Variants in CRTAM observed in about 807,000 individuals in gnomAD.
The protein encoded by CRTAM is cytotoxic and regulatory T-cell molecule.
A neutral mutation model predicts 50.0 loss-of-function variants in CRTAM; 44 were observed. The observed-to-expected ratio is 0.88, with a 90% confidence interval of 0.69 to 1.13. CRTAM has a LOEUF of 1.13. CRTAM is among the 50% of genes most tolerant of loss of function. CRTAM has a pLI of 0.00. For missense variants in CRTAM, 448 were observed against 457.5 expected (o/e 0.98, Z 0.19); for synonymous variants, 159 against 169.3 (o/e 0.94, Z 0.47).
intron 1 of CRTAM, among the ~76,000 whole-genome samples, chr11:122,841,075 C>T (rs1861791792): frequency 6.6e-6 from 1 of 152,114 alleles, no homozygotes; most frequent in African/African-American, 2.4e-5. Flanking sequence ...GAAAAAGTCA[C>T]ATGTTAGATG....
chr11:122,866,572 C>T lies in CRTAM; in HGVS notation c.818-837C>T, dbSNP rs570410064. 1.9e-3 allele frequency among the ~76,000 whole-genome samples: 293 copies of T among 151,526 alleles called. 3 individuals carry two copies. The highest frequency in any genetic ancestry group is 6.7e-3 in the African/African-American group (276 of 41,354). ...GTGACTAGGACATTTAGCAAGACTA[C>T]AGCCCATAGAATCAGAATTCTAGGT... On this transcript the variant is annotated intron_variant, in intron 7 of 9. Transcript: ENST00000227348.
chr11:122,852,139 T>C (rs892469614), intron 3 of CRTAM, among the ~76,000 whole-genome samples: 2 of 152,190 alleles, frequency 1.3e-5, no homozygotes, highest in Admixed American at 1.3e-4. Context: ...CCAGGCACCA[T>C]GTGAGGTTCT....
chr11:122,850,260 A>C (rs1565288658), intron 2 of CRTAM, 46 bp downstream of exon 2: 2 of 1,534,668 alleles, frequency 1.3e-6, no homozygotes, highest in Admixed American at 3.8e-5. Flanking sequence ...CCTTAACCTG[A>C]GGGTTTTTCC....
chr11:122,839,221 C>T (rs1446456609), intron 1 of CRTAM, among the ~76,000 whole-genome samples: 5 of 152,162 alleles, frequency 3.3e-5, no homozygotes, highest in Non-Finnish European at 4.4e-5. Context: ...CGTAAGCCAC[C>T]GCGCCCGGCC....
intron 1 of CRTAM, among the ~76,000 whole-genome samples, chr11:122,844,309 A>G (rs1007530374): frequency 2.6e-5 from 4 of 152,244 alleles, no homozygotes; most frequent in Admixed American, 1.3e-4. Flanking sequence ...AATGGGAGAC[A>G]TTTATTCCTA....
At chr11:122,865,299 T>C (rs1862154928) in intron 7 of CRTAM, among the ~76,000 whole-genome samples, 1 of 152,192 alleles carries the variant, frequency 6.6e-6, no homozygotes, top group Admixed American at 6.5e-5. Context: ...CCTCCCAAAG[T>C]GCTGGGATTA....
Position 122,853,944 on chromosome 11 carries a change from A to G in CRTAM, c.348A>G (p.Ala116=). Residue 116 remains alanine, a splice_region_variant and synonymous_variant, in exon 4 of 10, where the codon GCA becomes GCG. Coordinates refer to ENST00000227348, the MANE Select transcript of CRTAM (RefSeq NM_019604.4). ...ACAGAAAAATCCATTTTGTTCTAGCAACTCCTTTCAAGCCAATCCTGGAAG... is the reference window on the plus strand; with the variant it reads ...ACAGAAAAATCCATTTTGTTCTAGCGACTCCTTTCAAGCCAATCCTGGAAG... ...STKEVKVIVL[A]TPFKPILEAS... is the part of the protein sequence containing the mutation. 6.2e-7 allele frequency: 1 copy of G among 1,613,818 alleles called. No homozygotes were observed. The highest frequency in any genetic ancestry group is 8.5e-7 in the Non-Finnish European group (1 of 1,179,922).
chr11:122,852,451 T>C (rs569243388), intron 3 of CRTAM, among the ~76,000 whole-genome samples: 2 of 152,222 alleles, frequency 1.3e-5, no homozygotes, highest in African/African-American at 4.8e-5. Context: ...CTTACTTGTT[T>C]TGTTTTTTGT....
intron 5 of CRTAM, among the ~76,000 whole-genome samples, chr11:122,861,421 T>TATA (rs1491588971): frequency 4.1e-5 from 1 of 24,424 alleles, no homozygotes; most frequent in Non-Finnish European, 7.2e-5. Flanking sequence ...TATATATATA[T>TATA]TTTTTTTTTT....
chr11:122,865,790 C>G (rs1862164101), intron 7 of CRTAM, among the ~76,000 whole-genome samples: 1 of 152,216 alleles, frequency 6.6e-6, no homozygotes, highest in Admixed American at 6.5e-5. Context: ...GGTCCCAAAC[C>G]TTGGTGTTAT....
intron 3 of CRTAM, among the ~76,000 whole-genome samples, chr11:122,852,120 G>A (rs116876083): frequency 4.8e-4 from 73 of 152,236 alleles, no homozygotes; most frequent in African/African-American, 1.7e-3. Context: ...GATGAGCTGC[G>A]ACTATGCGCC....
chr11:122,862,627 A>G (rs1225145132), intron 6 of CRTAM, 83 bp downstream of exon 6: 3 of 941,510 alleles, frequency 3.2e-6, no homozygotes, highest in Non-Finnish European at 4.9e-6. Flanking sequence ...AAGTTTTAAG[A>G]ATATTTTTTG....
chr11:122,847,082 C>T (rs1861873471), intron 1 of CRTAM, among the ~76,000 whole-genome samples: 1 of 152,208 alleles, frequency 6.6e-6, no homozygotes, highest in Admixed American at 6.5e-5. Context: ...GGACTAAGTA[C>T]TACACTAGGT....
chr11:122,853,269 T>C (rs1472292440), intron 3 of CRTAM, among the ~76,000 whole-genome samples: 1 of 151,838 alleles, frequency 6.6e-6, no homozygotes, highest in Non-Finnish European at 1.5e-5. Flanking sequence ...GGTTTCACCA[T>C]GTTGGTTGGC....
chr11:122,849,658 G>T (rs1591349931), intron 1 of CRTAM, among the ~76,000 whole-genome samples: 2 of 152,178 alleles, frequency 1.3e-5, no homozygotes, highest in South Asian at 4.2e-4. Flanking sequence ...GGAGGCGGAG[G>T]ATGTAGTGAG....
At chr11:122,849,457 C>T (rs1284069292) in intron 1 of CRTAM, among the ~76,000 whole-genome samples, 1 of 152,206 alleles carries the variant, frequency 6.6e-6, no homozygotes, top group Non-Finnish European at 1.5e-5. Context: ...TGCTGTGGCT[C>T]ACACCTGTAA....
chr11:122,841,717 C>G (rs1861800830), intron 1 of CRTAM, among the ~76,000 whole-genome samples: 1 of 151,788 alleles, frequency 6.6e-6, no homozygotes, highest in Non-Finnish European at 1.5e-5. Context: ...TCATTTTTAT[C>G]CACTAATTCA....
chr11:122,867,325 T>C (rs933615945), intron 7 of CRTAM, 84 bp from the exon 8 acceptor site: 11 of 1,204,370 alleles, frequency 9.1e-6, no homozygotes, highest in Non-Finnish European at 1.3e-5. Context: ...TATCACATTG[T>C]AGAAGTATTG....
At chr11:122,843,752 G>C (rs1233765297) in intron 1 of CRTAM, among the ~76,000 whole-genome samples, 1 of 152,208 alleles carries the variant, frequency 6.6e-6, no homozygotes, top group African/African-American at 2.4e-5. Context: ...GTTTCCAGTG[G>C]CAATGAGAAG....
Sources: gnomAD v4.1 joint callset for allele counts (sites outside exome capture counted in the v4.1 genomes callset) on GRCh38, gnomAD v4.1.1 for gene constraint, MANE v1.5 for transcripts, NCBI Gene and HGNC (gene_info 2026-07-23, HGNC 2026-07-21) for gene names.